CDH8: variants seen among roughly 807,000 people sequenced by gnomAD.
The protein encoded by CDH8 is cadherin-8.
Under a neutral mutation model 68.1 loss-of-function variants are expected in CDH8, and 17 were observed. That is an observed-to-expected ratio of 0.25 (90% CI 0.17 to 0.37). The LOEUF (loss-of-function observed/expected upper bound fraction) is 0.37, where lower values mean the gene tolerates loss of function less well. Ranked by LOEUF, CDH8 falls within the 10% of genes least tolerant of loss-of-function variation. The pLI is 1.00. For missense variants in CDH8, 763 were observed against 999.3 expected, an observed-to-expected ratio of 0.76 and a Z score of 3.19; for synonymous variants, 372 against 365.1, an observed-to-expected ratio of 1.02 and a Z score of -0.21.
At chr16:61,739,252 A>G (rs1959792037) in intron 8 of CDH8, among the ~76,000 whole-genome samples, 1 of 152,136 alleles carries the variant, frequency 6.6e-6, no homozygotes, top group African/African-American at 2.4e-5. Context: ...CCTTAGGGAT[A>G]CTCAGTTTCA....
intron 8 of CDH8, among the ~76,000 whole-genome samples, chr16:61,746,548 TCCC>T: frequency 8.9e-6 from 1 of 112,874 alleles, no homozygotes; most frequent in African/African-American, 4.3e-5. Context: ...AACACTTGAT[TCCC>T]CCCCAACACA....
At chr16:61,894,015 T>G (rs2143210984) in intron 3 of CDH8, among the ~76,000 whole-genome samples, 1 of 152,258 alleles carries the variant, frequency 6.6e-6, no homozygotes, top group East Asian at 1.9e-4. Context: ...TCATGAGGAA[T>G]AAGATACTTA....
At position 61,648,088 on chromosome 16, in the gene CDH8, A is replaced by T. The variant is rs942214791; in HGVS notation, c.*5520T>A. ...TTCCACACATAAAGGAAGGAGGAGA[A>T]TACATACAAAAACACTTACAACATT... On this transcript the variant is annotated 3_prime_UTR_variant, in exon 12 of 12. Coordinates refer to ENST00000577390, the MANE Select transcript of CDH8 (RefSeq NM_001796.5). 1 of 476,138 alleles carries T rather than the reference A, an allele frequency of 2.1e-6. No homozygotes were observed. Among genetic ancestry groups the T allele is most frequent in the Non-Finnish European group, 3.7e-6 (1 of 267,546 alleles). 29.5% of individuals were successfully genotyped at this position (476,138 alleles called of 1,614,324 possible).
At chr16:61,682,723 T>G (rs1305643423) in intron 10 of CDH8, among the ~76,000 whole-genome samples, 1 of 151,960 alleles carries the variant, frequency 6.6e-6, no homozygotes, top group Non-Finnish European at 1.5e-5. Context: ...GCTTGTTCTG[T>G]CCAAGAAGCC....
intron 3 of CDH8, among the ~76,000 whole-genome samples, chr16:61,875,001 C>T (rs1196909169): frequency 1.3e-5 from 2 of 152,110 alleles, no homozygotes; most frequent in African/African-American, 4.8e-5. Context: ...GACAGAGCTT[C>T]TAATTTTAAA....
At chr16:61,796,910 G>A (rs1304196774) in intron 7 of CDH8, among the ~76,000 whole-genome samples, 2 of 152,092 alleles carry the variant, frequency 1.3e-5, no homozygotes, top group Admixed American at 6.6e-5. Flanking sequence ...TGTAGTGGTT[G>A]AGAATAGGTC....
intron 8 of CDH8, among the ~76,000 whole-genome samples, chr16:61,764,147 A>G (rs959142563): frequency 2.0e-5 from 3 of 152,100 alleles, no homozygotes; most frequent in African/African-American, 7.2e-5. Context: ...TGATATTGAT[A>G]TTATCATTCA....
chr16:61,960,198 CAT>C (rs760047895), intron 2 of CDH8, among the ~76,000 whole-genome samples: 3 of 83,662 alleles, frequency 3.6e-5, no homozygotes, highest in South Asian at 7.2e-4. Context: ...TGTGTATACA[CAT>C]ACATATATAC....
Position 61,932,197 on chromosome 16 carries a change from A to G in CDH8, c.253-30724T>C, listed in dbSNP as rs1362861847. Among the ~76,000 whole-genome samples the G allele has an allele frequency of 2.0e-5, 3 of 150,250 alleles. No homozygotes were observed. The East Asian group carries it at 5.8e-4, about 29-fold the overall frequency. On this transcript the variant is annotated intron_variant, in intron 2 of 11. Transcript: ENST00000577390. ...ACTCCAGGCCTGGGCCACAGAGCAA[A>G]ACTCCGTCTCAAAAAAAAAAAAAAA...
intron 4 of CDH8, among the ~76,000 whole-genome samples, chr16:61,831,455 G>A (rs1334267204): frequency 6.6e-6 from 1 of 151,730 alleles, no homozygotes; most frequent in African/African-American, 2.4e-5. Flanking sequence ...TCCTGGTTCA[G>A]GAGTTTAAGA....
At chr16:61,996,903 A>G (rs1450358743) in intron 2 of CDH8, among the ~76,000 whole-genome samples, 1 of 152,136 alleles carries the variant, frequency 6.6e-6, no homozygotes, top group Non-Finnish European at 1.5e-5. Flanking sequence ...CAATTTAAAC[A>G]GTCCTGAAAT....
intron 2 of CDH8, among the ~76,000 whole-genome samples, chr16:61,991,425 A>T (rs1965719126): frequency 6.6e-6 from 1 of 152,220 alleles, no homozygotes; most frequent in South Asian, 2.1e-4. Flanking sequence ...ACCTAATGCA[A>T]ATGCGTAAAG....
chr16:61,857,280 T>C, intron 3 of CDH8, 42 bp from the exon 4 acceptor site: 1 of 1,561,756 alleles, frequency 6.4e-7, no homozygotes, highest in African/African-American at 1.4e-5. Flanking sequence ...ATTAACACAT[T>C]GTCCTTTGCC....
At chr16:61,869,771 A>G (rs1597030630) in intron 3 of CDH8, among the ~76,000 whole-genome samples, 1 of 152,242 alleles carries the variant, frequency 6.6e-6, no homozygotes, top group South Asian at 2.1e-4. Context: ...AAGACGCACA[A>G]GAATAATTTG....
intron 8 of CDH8, among the ~76,000 whole-genome samples, chr16:61,782,151 T>C (rs953372163): frequency 4.1e-4 from 62 of 151,954 alleles, no homozygotes; most frequent in Admixed American, 1.5e-3. Flanking sequence ...AGAAGACGGG[T>C]GATTTCTGCA....
At chr16:61,762,365 C>G (rs759816757) in intron 8 of CDH8, among the ~76,000 whole-genome samples, 3 of 152,128 alleles carry the variant, frequency 2.0e-5, no homozygotes, top group Non-Finnish European at 2.9e-5. Flanking sequence ...TAGAGTCTCT[C>G]TGTATTATTT....
intron 8 of CDH8, among the ~76,000 whole-genome samples, chr16:61,761,680 G>A (rs914759410): frequency 9.2e-5 from 14 of 152,130 alleles, no homozygotes; most frequent in Non-Finnish European, 1.8e-4. Context: ...GTTATGTACT[G>A]CATATTCCAT....
intron 10 of CDH8, among the ~76,000 whole-genome samples, chr16:61,704,746 T>A (rs1413651015): frequency 6.6e-6 from 1 of 152,218 alleles, no homozygotes; most frequent in Admixed American, 6.5e-5. Context: ...ATTTTAACGT[T>A]TGTGATATGT....
At chr16:61,992,086 G>A (rs1965735201) in intron 2 of CDH8, among the ~76,000 whole-genome samples, 1 of 151,356 alleles carries the variant, frequency 6.6e-6, no homozygotes. Flanking sequence ...GTGAGAGAGA[G>A]AGAGAGATTT....
Sources: gnomAD v4.1 joint callset for allele counts (sites outside exome capture counted in the v4.1 genomes callset) on GRCh38, gnomAD v4.1.1 for gene constraint, MANE v1.5 for transcripts, NCBI Gene and HGNC (gene_info 2026-07-23, HGNC 2026-07-21) for gene names.